The following TAFA4 variants were observed in gnomAD, a reference collection of about 807,000 sequenced individuals.
TAFA4 encodes the protein chemokine-like protein TAFA-4.
A neutral mutation model predicts 21.1 loss-of-function variants in TAFA4; 20 were observed. The ratio of observed to expected loss-of-function variants is 0.95; its 90% CI spans 0.67 to 1.38. The LOEUF (loss-of-function observed/expected upper bound fraction) is 1.38, where lower values mean the gene tolerates loss of function less well. Among genes scored for constraint, TAFA4 ranks in the 40% most tolerant of loss-of-function variants. TAFA4 has a pLI of 0.00. For missense variants in TAFA4, 211 were observed against 180.9 expected, an observed-to-expected ratio of 1.17 and a Z score of -0.95; for synonymous variants, 71 against 67.4, an observed-to-expected ratio of 1.05 and a Z score of -0.26.
intron 3 of TAFA4, among the ~76,000 whole-genome samples, chr3:68,871,719 T>A: frequency 6.6e-6 from 1 of 151,910 alleles, no homozygotes. Flanking sequence ...ATAAAAACCA[T>A]CCAGTTTTAA....
At chr3:68,874,281 G>A (rs898504086) in intron 3 of TAFA4, among the ~76,000 whole-genome samples, 2 of 152,076 alleles carry the variant, frequency 1.3e-5, no homozygotes, top group African/African-American at 2.4e-5. Context: ...TTTGTAATGG[G>A]TTTTTAAATG....
At chr3:68,841,302 G>A (rs1362163921) in intron 3 of TAFA4, among the ~76,000 whole-genome samples, 2 of 67,236 alleles carry the variant, frequency 3.0e-5, no homozygotes, top group Admixed American at 1.4e-4. Context: ...CAGCCTGGGC[G>A]ACAGAGCGAG....
At chr3:68,800,989 C>G (rs13321878) in intron 3 of TAFA4, among the ~76,000 whole-genome samples, 64,527 of 151,830 alleles carry the variant, frequency 0.42, 14,043 homozygotes, top group Non-Finnish European at 0.46. Flanking sequence ...TTTGACTGCT[C>G]CAAAGCTAGT....
chr3:68,762,057 A>G (rs955182620), intron 3 of TAFA4, among the ~76,000 whole-genome samples: 4 of 152,022 alleles, frequency 2.6e-5, no homozygotes, highest in Non-Finnish European at 5.9e-5. Context: ...TGGCTTTAGG[A>G]AAGACATTTG....
At chr3:68,779,537 A>G (rs1175450664) in intron 3 of TAFA4, among the ~76,000 whole-genome samples, 3 of 152,258 alleles carry the variant, frequency 2.0e-5, no homozygotes, top group East Asian at 3.9e-4. Context: ...AGTGCCCTGC[A>G]TCCTAACTGC....
At chr3:68,790,160 A>G (rs1321496708) in intron 3 of TAFA4, among the ~76,000 whole-genome samples, 1 of 150,828 alleles carries the variant, frequency 6.6e-6, no homozygotes, top group Non-Finnish European at 1.5e-5. Context: ...GAGGAGGATA[A>G]AGAGATGTAT....
chr3:68,824,720 A>G (rs1214421110), intron 3 of TAFA4, among the ~76,000 whole-genome samples: 1 of 152,172 alleles, frequency 6.6e-6, no homozygotes, highest in Non-Finnish European at 1.5e-5. Context: ...ATGTTTTTGG[A>G]AATATCTTCA....
chr3:68,908,742 CATCTT>C (rs1461501913), intron 1 of TAFA4, among the ~76,000 whole-genome samples: 2 of 152,216 alleles, frequency 1.3e-5, no homozygotes, highest in Non-Finnish European at 2.9e-5. Context: ...TAAAAACATT[CATCTT>C]ATGTTTCATT....
At chr3:68,781,707 TAC>T (rs1333027813) in intron 3 of TAFA4, among the ~76,000 whole-genome samples, 2 of 152,264 alleles carry the variant, frequency 1.3e-5, no homozygotes, top group East Asian at 3.9e-4. Context: ...ATATAAATTC[TAC>T]ACAAACTCTT....
intron 3 of TAFA4, among the ~76,000 whole-genome samples, chr3:68,860,013 G>T (rs1559545851): frequency 6.6e-6 from 1 of 152,114 alleles, no homozygotes; most frequent in Non-Finnish European, 1.5e-5. Context: ...TTAGACTGGG[G>T]AGTTGGCCTT....
At chr3:68,814,984 G>C (rs912016854) in intron 3 of TAFA4, among the ~76,000 whole-genome samples, 2 of 152,130 alleles carry the variant, frequency 1.3e-5, no homozygotes, top group South Asian at 4.1e-4. Context: ...CAATGGAACA[G>C]AACCGAGGCC....
In TAFA4 at chr3:68,931,278, T is replaced by A. The variant is rs2090154849; in HGVS notation, c.-123+962A>T. On this transcript the variant is annotated intron_variant, in intron 1 of 5. Coordinates refer to ENST00000295569, the MANE Select transcript of TAFA4 (RefSeq NM_182522.5). ...ATAAAGACGTTAAACCAAAGGGGGG[T>A]CCCTGAATCTCGGTGACGGGGGATG... Among the ~76,000 whole-genome samples the A allele has an allele frequency of 3.3e-5, 5 of 151,564 alleles. No individual in the cohort carries two copies. The South Asian group carries it at 1.0e-3, about 32-fold the overall frequency.
chr3:68,756,563 G>A (rs1702663026), intron 3 of TAFA4, among the ~76,000 whole-genome samples: 1 of 152,120 alleles, frequency 6.6e-6, no homozygotes, highest in Non-Finnish European at 1.5e-5. Context: ...ATATTATTCT[G>A]AATGTTTTCT....
intron 3 of TAFA4, among the ~76,000 whole-genome samples, chr3:68,795,823 G>T (rs904372326): frequency 2.0e-5 from 3 of 152,156 alleles, no homozygotes; most frequent in African/African-American, 7.2e-5. Flanking sequence ...AGTCTTTGCT[G>T]TCTGAGTTTG....
At chr3:68,850,664 T>A (rs909995503) in intron 3 of TAFA4, among the ~76,000 whole-genome samples, 7 of 152,304 alleles carry the variant, frequency 4.6e-5, no homozygotes, top group African/African-American at 1.7e-4. Context: ...CTTTTTTTCA[T>A]GTTTGTTAGC....
rs1324018121 is a variant in TAFA4 at position 68,853,741 on chromosome 3, T to C, written c.130+26989A>G. On this transcript the variant is annotated intron_variant, in intron 3 of 5. Coordinates refer to ENST00000295569, the MANE Select transcript of TAFA4 (RefSeq NM_182522.5). ...GCACAACAAGGTAGCTAAGGGCAGG[T>C]AAGAAGGCCCCAAGTTGGAGGCATT... Among the ~76,000 whole-genome samples the C allele has an allele frequency of 3.3e-5, 5 of 152,192 alleles. No homozygotes were observed. In the East Asian group the frequency reaches 9.6e-4, roughly 29 times the overall value.
At position 68,787,915 on chromosome 3, in the gene TAFA4, T is replaced by C. The variant is rs192240761; in HGVS notation, c.131-34897A>G. Among the ~76,000 whole-genome samples, 9 of 152,282 alleles carry C rather than the reference T, an allele frequency of 5.9e-5. No individual in the cohort carries two copies. In the East Asian group the frequency reaches 1.7e-3, roughly 29 times the overall value. Reference sequence around the variant, plus strand: ...TTCATTTGGGTCAAGGCTCTGAAAATGTTTTAGTTGTTAGTACTTAAAAAT... The same window carrying C: ...TTCATTTGGGTCAAGGCTCTGAAAACGTTTTAGTTGTTAGTACTTAAAAAT... On this transcript the variant is annotated intron_variant, in intron 3 of 5. Coordinates refer to ENST00000295569, the MANE Select transcript of TAFA4 (RefSeq NM_182522.5).
intron 2 of TAFA4, among the ~76,000 whole-genome samples, chr3:68,881,265 C>G (rs1309167832): frequency 6.6e-6 from 1 of 152,180 alleles, no homozygotes; most frequent in East Asian, 1.9e-4. Flanking sequence ...GAACTTTCTC[C>G]TGGTTTCTCT....
Position 68,902,789 on chromosome 3 carries a change from T to A in TAFA4, c.-122-17479A>T, listed in dbSNP as rs532624631. Among the ~76,000 whole-genome samples, 11 of 152,262 alleles carry A rather than the reference T, an allele frequency of 7.2e-5. No homozygotes were observed. In the South Asian group the frequency reaches 2.3e-3, roughly 32 times the overall value. On this transcript the variant is annotated intron_variant, in intron 1 of 5. Transcript: ENST00000295569. ...GGTATGAGAAACAACCAGAACCTTATCAGACATGAAAACACTTGACATCCA... is the reference window on the plus strand; with the variant it reads ...GGTATGAGAAACAACCAGAACCTTAACAGACATGAAAACACTTGACATCCA...
Sources: allele counts gnomAD v4.1 joint callset (sites outside exome capture counted in the v4.1 genomes callset), GRCh38; gene constraint gnomAD v4.1.1; transcripts MANE v1.5; gene names NCBI Gene and HGNC (gene_info 2026-07-23, HGNC 2026-07-21).